C8orf76: variants seen among roughly 807,000 people sequenced by gnomAD.
The protein encoded by C8orf76 is chromosome 8 open reading frame 76, also known as uncharacterized protein C8orf76.
C8orf76 carries 46 observed loss-of-function variants against 38.1 expected under a neutral mutation model. The observed-to-expected ratio is 1.21, with a 90% CI of 0.95 to 1.54. The LOEUF (loss-of-function observed/expected upper bound fraction) is 1.54, where lower values mean the gene tolerates loss of function less well. Ranked by LOEUF, C8orf76 falls within the 40% of genes most tolerant of loss-of-function variation. The pLI is 0.00. For synonymous variants in C8orf76, 166 were observed against 167.5 expected, an observed-to-expected ratio of 0.99 and a Z score of 0.07; for missense variants, 461 against 441.6, an observed-to-expected ratio of 1.04 and a Z score of -0.39.
At chr8:123,226,434 T>C (rs1825046186) in intron 5 of C8orf76, 66 bp downstream of exon 5, 2 of 1,587,304 alleles carry the variant, frequency 1.3e-6, no homozygotes, top group East Asian at 2.3e-5. Flanking sequence ...TTATAAAAAA[T>C]GCTATCAGAG....
intron 1 of C8orf76, 104 bp downstream of exon 1, chr8:123,241,126 A>G (rs1344828647): frequency 1.7e-6 from 2 of 1,186,194 alleles, no homozygotes; most frequent in Non-Finnish European, 2.2e-6. Context: ...GGAGCCTGCC[A>G]GGGTTTGCGT....
At chr8:123,228,019 T>G (rs1245817872) in intron 4 of C8orf76, among the ~76,000 whole-genome samples, 1 of 152,098 alleles carries the variant, frequency 6.6e-6, no homozygotes, top group Non-Finnish European at 1.5e-5. Context: ...AATCATTGCC[T>G]TCCACCCCAA....
intron 4 of C8orf76, among the ~76,000 whole-genome samples, chr8:123,230,200 C>T (rs1405701147): frequency 6.6e-6 from 1 of 152,046 alleles, no homozygotes; most frequent in Non-Finnish European, 1.5e-5. Flanking sequence ...TGTATTCTCC[C>T]TACCCTTCCC....
At chr8:123,231,224 T>C (rs545314068) in intron 4 of C8orf76, 76 bp downstream of exon 4, 344 of 1,492,464 alleles carry the variant, frequency 2.3e-4, no homozygotes, top group Non-Finnish European at 3.0e-4. Flanking sequence ...TAGAACTTTT[T>C]GAAGCTTAAA....
chr8:123,222,947 T>C (rs1255514909), intron 5 of C8orf76, among the ~76,000 whole-genome samples: 1 of 152,232 alleles, frequency 6.6e-6, no homozygotes, highest in African/African-American at 2.4e-5. Flanking sequence ...AAATGTGCTT[T>C]AAGTCTTTAA....
chr8:123,226,575 T>TA lies in C8orf76; in HGVS notation c.872dup (p.Leu291PhefsTer8). On this transcript the variant is annotated frameshift_variant, in exon 5 of 6. Coordinates refer to ENST00000276704, the MANE Select transcript of C8orf76 (RefSeq NM_032847.3). LOFTEE classifies it high-confidence loss of function. ...TATCTTCAATTTCCTGCTGAGTCCT[T>TA]AAGTTCCTCTCCAAAGCAAACGATG... is the stretch of plus-strand genomic sequence containing the variant. 2 of 1,613,040 alleles carry TA rather than the reference T, an allele frequency of 1.2e-6. No individual in the cohort carries two copies. Among genetic ancestry groups the TA allele is most frequent in the Non-Finnish European group, 1.7e-6 (2 of 1,179,798 alleles).
rs764060147 is a variant in C8orf76, at chr8:123,231,499, G to C, written c.616C>G (p.Pro206Ala). 3 of 1,614,128 alleles carry C rather than the reference G, an allele frequency of 1.9e-6. No homozygotes were observed. Among genetic ancestry groups the C allele is most frequent in the Non-Finnish European group, 2.5e-6 (3 of 1,180,054 alleles). Residue 206 changes from proline to alanine, a missense_variant, in exon 4 of 6, where the codon CCA becomes GCA. Physicochemically the swap from Pro to Ala is conservative, Grantham distance 27 (BLOSUM62 -1). Coordinates refer to ENST00000276704, the MANE Select transcript of C8orf76 (RefSeq NM_032847.3). ...SSDKTIKSFF[P>A]HSGKDCLLCF... ...AAAAGACAGTCTTTTCCTGAGTGTG[G>C]AAAGAAGGATTTGATAGTTTTGTCA...
intron 5 of C8orf76, among the ~76,000 whole-genome samples, chr8:123,224,441 G>T (rs1824971778): frequency 6.6e-6 from 1 of 152,018 alleles, no homozygotes; most frequent in Non-Finnish European, 1.5e-5. Flanking sequence ...GCAAGACCCT[G>T]CCTCTACAAA....
chr8:123,239,474 G>A (rs548299460), intron 1 of C8orf76: 5 of 194,118 alleles, frequency 2.6e-5, no homozygotes, highest in Middle Eastern at 2.4e-3. Context: ...AAGAATTATA[G>A]ATATGGTGCT....
chr8:123,228,512 G>A (rs934516788), intron 4 of C8orf76, among the ~76,000 whole-genome samples: 30 of 151,982 alleles, frequency 2.0e-4, no homozygotes, highest in African/African-American at 2.4e-5. Flanking sequence ...CCAGCTACTC[G>A]GGAGGCTGAG....
At chr8:123,239,385 A>G in intron 1 of C8orf76, 1 of 382,818 alleles carries the variant, frequency 2.6e-6, no homozygotes, top group African/African-American at 2.0e-5. Flanking sequence ...CTTTAAAATG[A>G]GACATGCTTT....
At chr8:123,239,012 CAA>C in intron 2 of C8orf76, 35 bp downstream of exon 2, 1 of 1,602,180 alleles carries the variant, frequency 6.2e-7, no homozygotes, top group African/African-American at 1.3e-5. Flanking sequence ...ACTGATAAAA[CAA>C]GAGCCCACTT....
chr8:123,231,362 T>C lies in C8orf76; in HGVS notation c.753A>G (p.Glu251=). 7 of 1,614,162 alleles carry C rather than the reference T, an allele frequency of 4.3e-6. No individual in the cohort carries two copies. The highest frequency in any genetic ancestry group is 5.9e-6 in the Non-Finnish European group (7 of 1,180,028). ...ALTNIQNCMA[E]KRETVLIETQ... ...TCTCTATCAACACTGTTTCTCTCTT[T>C]TCTGCCATACAGTTTTGGATATTTG... Residue 251 remains glutamate, a synonymous_variant, in exon 4 of 6, where the codon GAA becomes GAG. Coordinates refer to ENST00000276704, the MANE Select transcript of C8orf76 (RefSeq NM_032847.3).
chr8:123,226,668 G>C, intron 4 of C8orf76, 36 bp from the exon 5 acceptor site: 1 of 1,559,458 alleles, frequency 6.4e-7, no homozygotes, highest in South Asian at 1.2e-5. Context: ...GTGGCGAAAA[G>C]TCCCAACGCT....
intron 3 of C8orf76, among the ~76,000 whole-genome samples, chr8:123,235,855 G>T (rs1195397300): frequency 6.6e-6 from 1 of 152,150 alleles, no homozygotes; most frequent in African/African-American, 2.4e-5. Flanking sequence ...CAACAGTGAC[G>T]TGCAAGAAAC....
Position 123,232,481 on chromosome 8 carries a change from T to C in C8orf76, c.358-724A>G, listed in dbSNP as rs180701666. ...TAAAAACAGGCCTGCTTTTTGTAAG[T>C]TGAAGTTTGCGGAGAGCAGATGGCA... On this transcript the variant is annotated intron_variant, in intron 3 of 5. Coordinates refer to ENST00000276704, the MANE Select transcript of C8orf76 (RefSeq NM_032847.3). Among the ~76,000 whole-genome samples the C allele has an allele frequency of 2.2e-3, 329 of 152,302 alleles. 6 individuals are homozygous for C. Among genetic ancestry groups the C allele is most frequent in the Non-Finnish European group, 3.1e-4 (21 of 68,028 alleles).
At chr8:123,238,844 T>C in intron 2 of C8orf76, 1 of 515,536 alleles carries the variant, frequency 1.9e-6, no homozygotes, top group Admixed American at 3.3e-5. Context: ...AAAGAGATCC[T>C]TTTGTTGGAG....
intron 4 of C8orf76, among the ~76,000 whole-genome samples, chr8:123,228,663 G>T (rs1381881191): frequency 6.6e-6 from 1 of 151,194 alleles, no homozygotes; most frequent in African/African-American, 2.4e-5. Context: ...ACACACACAG[G>T]TCTTATCACA....
rs1198230228 is a variant in C8orf76, at chr8:123,231,701, A to T, written c.414T>A (p.Ala138=). ...HLTTVLYLQL[A]ICSSLQNLEK... is the part of the protein sequence containing the mutation. ...CCAAGTTCTGCAAACTTGAACAAAT[A>T]GCAAGCTGGAGGTAGAGTACCGTGG... Residue 138 remains alanine (A), a synonymous_variant, in exon 4 of 6, where the codon GCT becomes GCA. Coordinates refer to ENST00000276704, the MANE Select transcript of C8orf76 (RefSeq NM_032847.3). 1 of 1,613,204 alleles carries T rather than the reference A, an allele frequency of 6.2e-7. No homozygotes were observed. The highest frequency in any genetic ancestry group is 8.5e-7 in the Non-Finnish European group (1 of 1,180,042).
Sources: allele counts gnomAD v4.1 joint callset (sites outside exome capture counted in the v4.1 genomes callset), GRCh38; gene constraint gnomAD v4.1.1; transcripts MANE v1.5; gene names NCBI Gene and HGNC (gene_info 2026-07-23, HGNC 2026-07-21).